Variants in ARMC5 observed in about 807,000 individuals in gnomAD.
ARMC5 encodes the protein armadillo repeat-containing protein 5.
Under a neutral mutation model 60.5 loss-of-function variants are expected in ARMC5, and 28 were observed. The observed-to-expected ratio is 0.46, with a 90% CI of 0.34 to 0.63. The LOEUF is 0.63. Among genes scored for constraint, ARMC5 ranks in the 30% least tolerant of loss-of-function variants. The probability of loss-of-function intolerance (pLI) is 0.01; values close to 1 mark genes in which losing one functional copy is unlikely to be tolerated. For missense variants in ARMC5, 1,189 were observed against 1,304.9 expected (o/e 0.91, Z 1.37); for synonymous variants, 680 against 607.3 (o/e 1.12, Z -1.76).
At chr16:31,459,258 C>A (rs1223462329), upstream of ARMC5, 4 of 1,533,796 alleles carry the variant, frequency 2.6e-6, no homozygotes, top group Non-Finnish European at 1.7e-6. Context: ...TCCAGCGCTT[C>A]CCGAGGTAGG....
upstream of ARMC5, chr16:31,459,139 C>T (rs1777931109): frequency 3.4e-6 from 5 of 1,491,294 alleles, no homozygotes; most frequent in South Asian, 6.4e-5. Context: ...GGAGAAAAGG[C>T]GGTCCCCGCC....
At chr16:31,458,417 A>G, upstream of ARMC5, 1 of 1,535,716 alleles carries the variant, frequency 6.5e-7, no homozygotes, top group East Asian at 2.4e-5. Flanking sequence ...TCGGGGCAGG[A>G]GTACGGCTTT....
intron 4 of ARMC5, chr16:31,465,562 T>G (rs776411559): frequency 2.2e-5 from 25 of 1,148,738 alleles, no homozygotes; most frequent in Non-Finnish European, 2.7e-5. Context: ...TCTTGTTTTA[T>G]ATTGTATTAT....
intron 4 of ARMC5, chr16:31,465,524 C>T: frequency 1.2e-6 from 1 of 853,556 alleles, no homozygotes; most frequent in Non-Finnish European, 1.6e-6. Context: ...ATTCATATAT[C>T]TCTAAGATCT....
chr16:31,459,489 G>T, upstream of ARMC5: 4 of 1,579,390 alleles, frequency 2.5e-6, no homozygotes, highest in Non-Finnish European at 3.4e-6. Flanking sequence ...GGGATCAGCG[G>T]CGAGAAGCGG....
chr16:31,466,763 C>A lies in ARMC5; in HGVS notation c.2682C>A (p.Cys894Ter). The change falls in exon 6 of 6, where the codon TGC becomes TGA. Residue 894 changes from cysteine to a stop codon, truncating the protein, a stop_gained. Coordinates refer to ENST00000268314, the MANE Select transcript of ARMC5 (RefSeq NM_001105247.2). LOFTEE classifies it high-confidence loss of function. The surrounding 1 kb of genome is among the most constrained non-coding windows in gnomAD (Gnocchi z 8.0). The stretch of plus-strand genomic sequence containing the variant: ...GCTGGACACTGGGGTCAGAGCAGTG[C>A]CCGAGGAAGCGGGGTCTGGCCCTGG... ...CARWTLGSEQ[C>*]PRKRGLALVG... is the part of the protein sequence containing the mutation. 6.4e-7 allele frequency: 1 copy of A among 1,571,894 alleles called. No homozygotes were observed. Among genetic ancestry groups the A allele is most frequent in the Non-Finnish European group, 8.6e-7 (1 of 1,160,394 alleles).
At position 31,464,319 on chromosome 16, in the gene ARMC5, C is replaced by A; in HGVS notation, c.1371-75C>A. On this transcript the variant is annotated intron_variant, in intron 3 of 5. Transcript: ENST00000268314. The surrounding 1 kb of genome is among the most constrained non-coding windows in gnomAD (Gnocchi z 7.6). ...AAAAAAAAAAAAAAAAAAAAAAAGACGCCTCACGCCTCTTGGACTCTGCCC... is the reference window on the plus strand; with the variant it reads ...AAAAAAAAAAAAAAAAAAAAAAAGAAGCCTCACGCCTCTTGGACTCTGCCC... The A allele has an allele frequency of 8.2e-6, 7 of 854,380 alleles. No individual in the cohort carries two copies. The highest frequency in any genetic ancestry group is 1.2e-5 in the Non-Finnish European group (7 of 608,390). 52.9% of individuals were successfully genotyped at this position (854,380 alleles called of 1,614,324 possible).
rs11863886 is a variant in ARMC5, at chr16:31,466,139, G to A, written c.2058G>A (p.Ala686=). 35,175 of 1,605,468 alleles carry A rather than the reference G, an allele frequency of 0.022. 3,062 individuals are homozygous for A. The highest frequency in any genetic ancestry group is 0.18 in the African/African-American group (13,537 of 74,888). Residue 686 remains alanine (A), a synonymous_variant, in exon 6 of 6, where the codon GCG becomes GCA. Coordinates refer to ENST00000268314, the MANE Select transcript of ARMC5 (RefSeq NM_001105247.2). The surrounding 1 kb of genome is among the most constrained non-coding windows in gnomAD (Gnocchi z 8.0). ...LEQGGLRLLL[A]ALTRPAPHPL... ...AGGGTGGTCTCCGGCTCCTCCTTGC[G>A]GCGCTGACCCGGCCGGCCCCACACC...
upstream of ARMC5, chr16:31,459,331 T>G (rs2082276585): frequency 6.5e-7 from 1 of 1,535,164 alleles, no homozygotes; most frequent in East Asian, 2.4e-5. Context: ...CAGGATGCGC[T>G]GCGATTAAGG....
chr16:31,459,166 C>T (rs1397328016), upstream of ARMC5: 13 of 1,508,276 alleles, frequency 8.6e-6, no homozygotes, highest in Non-Finnish European at 9.7e-6. Flanking sequence ...ACGCCGGGGG[C>T]GGGGCACGGC....
At chr16:31,465,595 G>T in intron 4 of ARMC5, 1 of 1,371,146 alleles carries the variant, frequency 7.3e-7, no homozygotes, top group Non-Finnish European at 9.4e-7. Context: ...CGTGTCCTCC[G>T]TCTCTTGCCT....
chr16:31,465,371 C>T (rs1253014292), intron 4 of ARMC5: 7 of 1,338,670 alleles, frequency 5.2e-6, no homozygotes, highest in African/African-American at 2.9e-5. Flanking sequence ...AAGGCTCGCA[C>T]TCTTGTCTTC....
At position 31,459,583 on chromosome 16, in the gene ARMC5, C is replaced by T; in HGVS notation, c.59C>T (p.Ala20Val). Residue 20 changes from alanine to valine, a missense_variant, in exon 1 of 6, where the codon GCG becomes GTG. Ala to Val is a moderately conservative substitution (Grantham distance 64). Transcript: ENST00000268314. ...CTCTCGTTCTGCCTCGCGCAGCTCG[C>T]GGCGGCGGCCGGGGAGGCTCTGGGT... ...DSLSFCLAQLAAAAGEALGGE... is the reference protein window; with the variant it reads ...DSLSFCLAQLVAAAGEALGGE... 2.5e-6 allele frequency: 4 copies of T among 1,603,004 alleles called. No homozygotes were observed. Among genetic ancestry groups the T allele is most frequent in the East Asian group, 2.2e-5 (1 of 44,806 alleles).
Position 31,459,903 on chromosome 16 carries a change from A to G in ARMC5, c.379A>G (p.Lys127Glu). The stretch of plus-strand genomic sequence containing the variant: ...TCCTACGCCGCCAGTGCGCCTGCGC[A>G]AGACGCTGGACTTGGCGCTCAGCAT... ...SSPTPPVRLR[K>E]TLDLALSILA... The change falls in exon 1 of 6, where the codon AAG becomes GAG. Residue 127 changes from lysine (K) to glutamate (E), a missense_variant. By Grantham distance (56) the Lys-to-Glu change is moderately conservative. Coordinates refer to ENST00000268314, the MANE Select transcript of ARMC5 (RefSeq NM_001105247.2). 6.2e-7 allele frequency: 1 copy of G among 1,606,382 alleles called. No homozygotes were observed. Among genetic ancestry groups the G allele is most frequent in the South Asian group, 1.1e-5 (1 of 91,062 alleles).
rs2082366471 is a variant in ARMC5, at chr16:31,466,907, G to C, written c.*18G>C. Reference sequence around the variant, plus strand: ...CTGCCTAGACTGTTGACGTCCCCTGGGAAGGGGACCCAAGGATGAATTGGC... The same window carrying C: ...CTGCCTAGACTGTTGACGTCCCCTGCGAAGGGGACCCAAGGATGAATTGGC... On this transcript the variant is annotated 3_prime_UTR_variant, in exon 6 of 6. Transcript: ENST00000268314. This position sits in a 1 kb window ranked among gnomAD's most constrained non-coding sequence, Gnocchi z 8.0. 1 of 1,504,102 alleles carries C rather than the reference G, an allele frequency of 6.6e-7. No homozygotes were observed. The highest frequency in any genetic ancestry group is 1.4e-5 in the African/African-American group (1 of 71,424). 93.2% of individuals were successfully genotyped at this position (1,504,102 alleles called of 1,614,324 possible).
At chr16:31,459,088 C>G, upstream of ARMC5, 1 of 1,485,556 alleles carries the variant, frequency 6.7e-7, no homozygotes, top group Non-Finnish European at 8.9e-7. Flanking sequence ...GTCCCAAGGC[C>G]GGGCCGCACC....
At position 31,464,658 on chromosome 16, in the gene ARMC5, C is replaced by T. The variant is rs1197613699; in HGVS notation, c.1635C>T (p.Gly545=). 1.3e-6 allele frequency: 2 copies of T among 1,598,476 alleles called. No individual in the cohort carries two copies. Among genetic ancestry groups the T allele is most frequent in the South Asian group, 2.2e-5 (2 of 90,866 alleles). Residue 545 remains glycine (G), a synonymous_variant, in exon 4 of 6, where the codon GGC becomes GGT. Coordinates refer to ENST00000268314, the MANE Select transcript of ARMC5 (RefSeq NM_001105247.2). The surrounding 1 kb of genome is among the most constrained non-coding windows in gnomAD (Gnocchi z 7.6). ...APDPSGALVT[G]PALYGLLTYV... ...ACCCAAGTGGGGCACTTGTGACCGG[C>T]CCGGCGCTGTACGGCCTGCTGACCT...
chr16:31,458,495 G>A (rs868620165), upstream of ARMC5: 4 of 1,535,768 alleles, frequency 2.6e-6, no homozygotes, highest in Admixed American at 2.0e-5. Flanking sequence ...CCATAACCCG[G>A]ACAACGGTAA....
chr16:31,461,291 C>A (rs942477775), intron 1 of ARMC5, among the ~76,000 whole-genome samples: 1 of 152,084 alleles, frequency 6.6e-6, no homozygotes, highest in African/African-American at 2.4e-5. Context: ...CGTGTCACTC[C>A]CCTTCATAAA....
Sources: allele counts gnomAD v4.1 joint callset (sites outside exome capture counted in the v4.1 genomes callset), GRCh38; gene constraint gnomAD v4.1.1; non-coding constraint Gnocchi (gnomAD v3.1); transcripts MANE v1.5; gene names NCBI Gene and HGNC (gene_info 2026-07-23, HGNC 2026-07-21).